DAB1: variants seen among roughly 807,000 people sequenced by gnomAD.
The protein encoded by DAB1 is DAB adaptor protein 1, also known as disabled homolog 1.
Under a neutral mutation model 64.6 loss-of-function variants are expected in DAB1, and 15 were observed. The ratio of observed to expected loss-of-function variants is 0.23; its 90% CI spans 0.16 to 0.36. The LOEUF is 0.36. Ranked by LOEUF, DAB1 falls within the 10% of genes least tolerant of loss-of-function variation. The pLI is 1.00. For synonymous variants in DAB1, 235 were observed against 251.9 expected (o/e 0.93, Z 0.64); for missense variants, 596 against 706.7 (o/e 0.84, Z 1.78).
intron 7 of DAB1, among the ~76,000 whole-genome samples, chr1:57,522,355 C>T (rs1480014900): frequency 6.6e-6 from 1 of 152,118 alleles, no homozygotes; most frequent in Non-Finnish European, 1.5e-5. Context: ...CTTGCAGACA[C>T]AAGGCACAGT....
chr1:58,342,902 G>A (rs1643955960), intron 4 of DAB1, among the ~76,000 whole-genome samples: 1 of 151,988 alleles, frequency 6.6e-6, no homozygotes, highest in South Asian at 2.1e-4. Context: ...TTCAAATTTG[G>A]TGTCTCCACA....
At chr1:57,496,028 T>C (rs1644225917) in intron 7 of DAB1, among the ~76,000 whole-genome samples, 1 of 152,230 alleles carries the variant, frequency 6.6e-6, no homozygotes, top group Non-Finnish European at 1.5e-5. Flanking sequence ...ATAAGAATGA[T>C]TGATTACTGT....
Position 57,010,663 on chromosome 1 carries a change from A to G in DAB1, c.*15+17T>C. ...GATAGCTTAAGGGTAAAGGAGATAAAAAGGACAGATACCTACCCAGACCTG... is the reference window on the plus strand; with the variant it reads ...GATAGCTTAAGGGTAAAGGAGATAAGAAGGACAGATACCTACCCAGACCTG... On this transcript the variant is annotated intron_variant, in intron 14 of 14. Coordinates refer to ENST00000371236, the MANE Select transcript of DAB1 (RefSeq NM_001365792.1). 1.4e-6 allele frequency: 2 copies of G among 1,403,288 alleles called. No homozygotes were observed. The highest frequency in any genetic ancestry group is 1.4e-5 in the African/African-American group (1 of 68,974). The allele number at this position is 1,403,288 out of a possible 1,614,324, so 86.9% of individuals were successfully genotyped here. A position where few individuals can be genotyped will look rare whatever the true frequency, so the allele number is the denominator to read the frequency against.
intron 5 of DAB1, among the ~76,000 whole-genome samples, chr1:58,092,416 C>A (rs574054032): frequency 6.6e-6 from 1 of 152,186 alleles, no homozygotes; most frequent in South Asian, 2.1e-4. Context: ...TTCAGCTGAT[C>A]CCCTCATAGA....
At chr1:57,374,571 G>A (rs536808654) in intron 1 of DAB1, among the ~76,000 whole-genome samples, 39 of 152,228 alleles carry the variant, frequency 2.6e-4, no homozygotes, top group African/African-American at 9.1e-4. Context: ...TAAAAATTAA[G>A]TGTTTAAGCT....
intron 11 of DAB1, among the ~76,000 whole-genome samples, chr1:57,021,275 G>T (rs1478442065): frequency 6.6e-6 from 1 of 152,150 alleles, no homozygotes; most frequent in African/African-American, 2.4e-5. Context: ...GGCTGGTTAA[G>T]CAGCAAGACT....
intron 2 of DAB1, among the ~76,000 whole-genome samples, chr1:57,190,120 G>A (rs1344727789): frequency 1.3e-5 from 2 of 152,134 alleles, no homozygotes; most frequent in African/African-American, 4.8e-5. Flanking sequence ...GGCTTGTTAA[G>A]GAAGAGATTG....
chr1:58,227,917 G>A (rs1251602132), intron 4 of DAB1, among the ~76,000 whole-genome samples: 1 of 152,184 alleles, frequency 6.6e-6, no homozygotes, highest in Admixed American at 6.5e-5. Flanking sequence ...TGACAACTCT[G>A]TTAACAGCAA....
intron 2 of DAB1, among the ~76,000 whole-genome samples, chr1:57,230,966 G>A (rs1175543166): frequency 6.6e-6 from 1 of 151,996 alleles, no homozygotes; most frequent in Non-Finnish European, 1.5e-5. Context: ...ACAAAAGTGA[G>A]TAGAAAAATG....
At position 57,415,509 on chromosome 1, in the gene DAB1, A is replaced by G. The variant is rs138507666; in HGVS notation, c.-137+8421T>C. ...GAAGGTTGGCAAAAATCCAACTTCT[A>G]TGTGGTCTATAAATCTATTCAGCTT... On this transcript the variant is annotated intron_variant, in intron 1 of 14. Transcript: ENST00000371236. 3.2e-3 allele frequency among the ~76,000 whole-genome samples: 486 copies of G among 152,322 alleles called. 1 individual carries two copies. The highest frequency in any genetic ancestry group is 6.9e-3 in the Admixed American group (106 of 15,288).
At chr1:57,281,272 A>T (rs929056466) in intron 2 of DAB1, among the ~76,000 whole-genome samples, 12 of 152,332 alleles carry the variant, frequency 7.9e-5, no homozygotes, top group African/African-American at 2.9e-4. Flanking sequence ...AGCACACAGC[A>T]TGGTCATGAC....
At chr1:58,427,731 G>C (rs566105442) in intron 3 of DAB1, among the ~76,000 whole-genome samples, 24 of 152,214 alleles carry the variant, frequency 1.6e-4, no homozygotes, top group African/African-American at 5.1e-4. Context: ...TGTTTGACTT[G>C]GTAAATATTA....
At chr1:58,023,588 C>T (rs12034360) in intron 5 of DAB1, among the ~76,000 whole-genome samples, 1,712 of 152,222 alleles carry the variant, frequency 0.011, 39 homozygotes, top group East Asian at 0.086. Flanking sequence ...GTCTAGTTCT[C>T]AGCAAAGATT....
chr1:58,406,703 A>G (rs1030693769), intron 3 of DAB1, among the ~76,000 whole-genome samples: 1 of 92,668 alleles, frequency 1.1e-5, no homozygotes, highest in Middle Eastern at 4.8e-3. Flanking sequence ...AAGAACGATA[A>G]TATCATCCCC....
intron 1 of DAB1, among the ~76,000 whole-genome samples, chr1:57,330,919 T>A (rs1332475449): frequency 5.3e-5 from 8 of 152,160 alleles, no homozygotes; most frequent in Non-Finnish European, 1.2e-4. Flanking sequence ...CCTGGTGAAC[T>A]GTCTCATCTC....
chr1:58,539,489 A>G (rs534372684), intron 1 of DAB1, among the ~76,000 whole-genome samples: 25 of 152,224 alleles, frequency 1.6e-4, no homozygotes, highest in Middle Eastern at 3.2e-3. Flanking sequence ...ACCAGAGTAT[A>G]TATACCACGA....
chr1:57,337,349 A>C (rs2100815656), intron 1 of DAB1, among the ~76,000 whole-genome samples: 1 of 152,240 alleles, frequency 6.6e-6, no homozygotes, highest in South Asian at 2.1e-4. Context: ...GCCCTGTTCC[A>C]GGCACACCTG....
At chr1:57,075,371 GA>G (rs1651894019) in intron 4 of DAB1, among the ~76,000 whole-genome samples, 1 of 152,156 alleles carries the variant, frequency 6.6e-6, no homozygotes, top group Non-Finnish European at 1.5e-5. Context: ...GTGTGAGCGT[GA>G]AGTGCTTAAA....
chr1:58,407,980 C>G (rs1358516035), intron 3 of DAB1, among the ~76,000 whole-genome samples: 1 of 152,200 alleles, frequency 6.6e-6, no homozygotes. Context: ...CCTCCTCACT[C>G]ACTCAGCTCC....
Sources: allele counts gnomAD v4.1 joint callset (sites outside exome capture counted in the v4.1 genomes callset), GRCh38; gene constraint gnomAD v4.1.1; transcripts MANE v1.5; gene names NCBI Gene and HGNC (gene_info 2026-07-23, HGNC 2026-07-21).